EGFL7: variants seen among roughly 807,000 people sequenced by gnomAD.
The protein encoded by EGFL7 is epidermal growth factor-like protein 7.
EGFL7 carries 48 observed loss-of-function variants against 37.1 expected under a neutral mutation model. The ratio of observed to expected loss-of-function variants is 1.29; its 90% CI spans 1.03 to 1.65. The LOEUF (loss-of-function observed/expected upper bound fraction) is 1.65. Among genes scored for constraint, EGFL7 ranks in the 40% most tolerant of loss-of-function variants. The pLI, the probability that EGFL7 is intolerant of heterozygous loss-of-function variation, is 0.00. For missense variants in EGFL7, 384 were observed against 378.9 expected (o/e 1.01, Z -0.11); for synonymous variants, 180 against 156.8 (o/e 1.15, Z -1.10).
chr9:136,662,750 A>G (rs1845223905), upstream of EGFL7, among the ~76,000 whole-genome samples: 1 of 151,960 alleles, frequency 6.6e-6, no homozygotes, highest in Non-Finnish European at 1.5e-5. Flanking sequence ...CAGTTTGTCC[A>G]GGCCCCCTCA....
At position 136,668,591 on chromosome 9, in the gene EGFL7, CCT is replaced by C; in HGVS notation, c.116_117del (p.Pro39ArgfsTer31). 1 of 1,608,970 alleles carries C rather than the reference CCT, an allele frequency of 6.2e-7. No homozygotes were observed. Among genetic ancestry groups the C allele is most frequent in the Non-Finnish European group, 8.5e-7 (1 of 1,179,770 alleles). ...RVCAVRAHGDPVSESFVQRVY... is the reference protein window; with the variant it reads ...RVCAVRAHGDXVSESFVQRVY... ...GTGTGCTGTCCGGGCTCACGGGGAC[CCT>C]GTCTCCGAGTCGTTCGTGCAGCGTG... On this transcript the variant is annotated frameshift_variant, in exon 5 of 11. Transcript: ENST00000308874. LOFTEE classifies it high-confidence loss of function.
Position 136,669,648 on chromosome 9 carries a change from C to G in EGFL7, c.240C>G (p.Ala80=), listed in dbSNP as rs367580252. Residue 80 remains alanine (A), a synonymous_variant, in exon 6 of 11, where the codon GCC becomes GCG. Coordinates refer to ENST00000308874, the MANE Select transcript of EGFL7 (RefSeq NM_016215.5). ...RTAYRRSPGL[A]PARPRYACCP... ...CCTACCGCCGCAGCCCTGGGCTGGC[C>G]CCTGCCAGGCCTCGCTACGCGTGCT... 1,022 of 1,611,174 alleles carry G rather than the reference C, an allele frequency of 6.3e-4. 3 individuals carry two copies. Among genetic ancestry groups the G allele is most frequent in the Non-Finnish European group, 8.4e-4 (988 of 1,179,474 alleles).
chr9:136,672,233 G>C, intron 10 of EGFL7, 31 bp from the exon 11 acceptor site: 1 of 1,613,314 alleles, frequency 6.2e-7, no homozygotes, highest in South Asian at 1.1e-5. Context: ...GGGGAGCAGT[G>C]ATCTCTGACC....
Position 136,663,117 on chromosome 9 carries a change from G to C in EGFL7, c.-353+9G>C, listed in dbSNP as rs868784378. 1 of 152,710 alleles carries C rather than the reference G, an allele frequency of 6.5e-6. No individual in the cohort carries two copies. Among genetic ancestry groups the C allele is most frequent in the Non-Finnish European group, 1.5e-5 (1 of 68,412 alleles). 9.5% of individuals were successfully genotyped at this position (152,710 alleles called of 1,614,324 possible). A position where few individuals can be genotyped will look rare whatever the true frequency, so the allele number is the denominator to read the frequency against. On this transcript the variant is annotated intron_variant, in intron 1 of 10. Transcript: ENST00000308874. ...GGCTCCAGCAGCATCAGGTATGGCA[G>C]GGGTGGCCTCGGAGGGGCAGGGAGC...
At chr9:136,668,705 C>A (rs1308932500) in intron 5 of EGFL7, 32 bp downstream of exon 5, 2 of 1,553,060 alleles carry the variant, frequency 1.3e-6, no homozygotes, top group African/African-American at 2.7e-5. Flanking sequence ...GCTCACCCAG[C>A]CCCAGCCTCC....
rs1160444646 is a variant in EGFL7, at chr9:136,666,472, T to C, written c.-43+1687T>C. Among the ~76,000 whole-genome samples, 2 of 151,752 alleles carry C rather than the reference T, an allele frequency of 1.3e-5. No individual in the cohort carries two copies. The highest frequency in any genetic ancestry group is 4.8e-5 in the African/African-American group (2 of 41,304). ...CCGCCCCCTCCCCGCCCGGCACCCC[T>C]GGGTCGAGGCCGTGGCCCCCCCCGG... On this transcript the variant is annotated intron_variant, in intron 3 of 10. Coordinates refer to ENST00000308874, the MANE Select transcript of EGFL7 (RefSeq NM_016215.5). This position sits in a 1 kb window ranked among gnomAD's most constrained non-coding sequence, Gnocchi z 6.8.
At chr9:136,670,523 A>G (rs1845780231) in intron 8 of EGFL7, 193 bp downstream of exon 8, 1 of 831,654 alleles carries the variant, frequency 1.2e-6, no homozygotes. Flanking sequence ...GGAGCCTCAT[A>G]TCAGCCAAGA....
At chr9:136,669,862 A>G in intron 6 of EGFL7, 52 bp from the exon 7 acceptor site, 27 of 1,507,124 alleles carry the variant, frequency 1.8e-5, no homozygotes, top group Non-Finnish European at 2.4e-5. Flanking sequence ...AGCTGCCCCC[A>G]CAGGGTGCTG....
At position 136,666,007 on chromosome 9, in the gene EGFL7, G is replaced by T. The variant is rs1588231048; in HGVS notation, c.-43+1222G>T. The stretch of plus-strand genomic sequence containing the variant: ...AGCGGGCCGGGGCGCCCGCGGCTGG[G>T]TCGGGCCGGGCCGGGAGAATGGGCC... On this transcript the variant is annotated intron_variant, in intron 3 of 10. Transcript: ENST00000308874. This position sits in a 1 kb window ranked among gnomAD's most constrained non-coding sequence, Gnocchi z 6.8. 6.8e-6 allele frequency among the ~76,000 whole-genome samples: 1 copy of T among 146,158 alleles called. No individual in the cohort carries two copies.
At chr9:136,670,133 C>G in intron 7 of EGFL7, 36 bp from the exon 8 acceptor site, 1 of 1,612,088 alleles carries the variant, frequency 6.2e-7, no homozygotes. Flanking sequence ...GGACCCCTCC[C>G]GCAGGCATGG....
Position 136,666,163 on chromosome 9 carries a change from C to T in EGFL7, c.-43+1378C>T, listed in dbSNP as rs907145905. On this transcript the variant is annotated intron_variant, in intron 3 of 10. Transcript: ENST00000308874. This position sits in a 1 kb window ranked among gnomAD's most constrained non-coding sequence, Gnocchi z 6.8. ...GCGCCTCGGGGCCCAGCCTGTGCCG[C>T]CTGCTCCGCCCCCCGCGAACCCCGG... Among the ~76,000 whole-genome samples the T allele has an allele frequency of 1.3e-5, 2 of 150,262 alleles. No homozygotes were observed. The highest frequency in any genetic ancestry group is 3.0e-5 in the Non-Finnish European group (2 of 67,224).
rs974316357 is a variant in EGFL7 at position 136,666,759 on chromosome 9, C to G, written c.-42-1482C>G. Among the ~76,000 whole-genome samples the G allele has an allele frequency of 6.6e-6, 1 of 152,100 alleles. No individual in the cohort carries two copies. Among genetic ancestry groups the G allele is most frequent in the Non-Finnish European group, 1.5e-5 (1 of 68,000 alleles). ...GCCCTACCTCTTCCTTCCCGGGTCC[C>G]ACTCCCCAATGTCCCCCGACTTCGA... On this transcript the variant is annotated intron_variant, in intron 3 of 10. Transcript: ENST00000308874. The surrounding 1 kb of genome is among the most constrained non-coding windows in gnomAD (Gnocchi z 6.8).
chr9:136,661,269 C>A (rs1200403683), upstream of EGFL7, among the ~76,000 whole-genome samples: 1 of 152,116 alleles, frequency 6.6e-6, no homozygotes, highest in Non-Finnish European at 1.5e-5. Flanking sequence ...GGCCTGCTGC[C>A]AACTTGTTCT....
At chr9:136,671,836 G>A (rs62580378) in intron 9 of EGFL7, 90 bp from the exon 10 acceptor site, 205,655 of 1,408,664 alleles carry the variant, frequency 0.15, 16,652 homozygotes, top group Non-Finnish European at 0.17. Context: ...CTGGAGGCTT[G>A]TGGAGCCCTT....
chr9:136,665,375 C>G (rs536403423), intron 3 of EGFL7, among the ~76,000 whole-genome samples: 1 of 152,364 alleles, frequency 6.6e-6, no homozygotes, highest in East Asian at 1.9e-4. Flanking sequence ...ACCGCGCGGC[C>G]CCCCAGCGGC....
At chr9:136,661,057 G>A (rs554699318), upstream of EGFL7, among the ~76,000 whole-genome samples, 61 of 152,268 alleles carry the variant, frequency 4.0e-4, no homozygotes, top group African/African-American at 1.4e-3. Context: ...CTCCTGGGAT[G>A]GGGGCACAAG....
intron 9 of EGFL7, among the ~76,000 whole-genome samples, 186 bp from the exon 10 acceptor site, chr9:136,671,740 G>GC (rs1845918185): frequency 6.6e-6 from 1 of 152,182 alleles, no homozygotes; most frequent in Admixed American, 6.5e-5. Context: ...CCAGCCTGAT[G>GC]CCCCAGGCAC....
chr9:136,672,025 C>G lies in EGFL7; in HGVS notation c.736C>G (p.Gln246Glu). 6.5e-7 allele frequency: 1 copy of G among 1,544,850 alleles called. No individual in the cohort carries two copies. Among genetic ancestry groups the G allele is most frequent in the Non-Finnish European group, 8.7e-7 (1 of 1,146,844 alleles). ...PGSLLVHSFQQLGRIDSLSEQ... is the reference protein window; with the variant it reads ...PGSLLVHSFQELGRIDSLSEQ... ...CAGCCTCCTGGTGCACTCCTTCCAG[C>G]AGCTCGGCCGCATCGACTCCCTGAG... is the stretch of plus-strand genomic sequence containing the variant. Residue 246 changes from glutamine (Q) to glutamate (E), a missense_variant, in exon 10 of 11, where the codon CAG becomes GAG. Transcript: ENST00000308874.
chr9:136,660,671 A>G (rs1286616344), upstream of EGFL7, among the ~76,000 whole-genome samples: 1 of 151,938 alleles, frequency 6.6e-6, no homozygotes, highest in Non-Finnish European at 1.5e-5. Flanking sequence ...AGCCTTAGCA[A>G]CTCGTGCACT....
Sources: allele counts gnomAD v4.1 joint callset (sites outside exome capture counted in the v4.1 genomes callset), GRCh38; gene constraint gnomAD v4.1.1; non-coding constraint Gnocchi (gnomAD v3.1); transcripts MANE v1.5; gene names NCBI Gene and HGNC (gene_info 2026-07-23, HGNC 2026-07-21).